ATXN2: variants seen among roughly 807,000 people sequenced by gnomAD.
ATXN2 encodes the protein ataxin 2.
ATXN2 carries 37 observed loss-of-function variants against 138.6 expected under a neutral mutation model. The observed-to-expected ratio is 0.27, with a 90% CI of 0.21 to 0.35. The LOEUF (loss-of-function observed/expected upper bound fraction) is 0.35, where lower values mean the gene tolerates loss of function less well. Among genes scored for constraint, ATXN2 ranks in the 10% least tolerant of loss-of-function variants. ATXN2 has a pLI of 1.00. For synonymous variants in ATXN2, 549 were observed against 543.7 expected, an observed-to-expected ratio of 1.01 and a Z score of -0.13; for missense variants, 1,216 against 1,480.3, an observed-to-expected ratio of 0.82 and a Z score of 2.93.
chr12:111,559,141 T>G (rs1232537249), intron 1 of ATXN2, among the ~76,000 whole-genome samples: 3 of 151,200 alleles, frequency 2.0e-5, no homozygotes, highest in Admixed American at 6.6e-5. Flanking sequence ...TTTTTGTTTT[T>G]TTTTTTTTCT....
At chr12:111,595,819 G>A (rs1486049333) in intron 1 of ATXN2, among the ~76,000 whole-genome samples, 1 of 147,384 alleles carries the variant, frequency 6.8e-6, no homozygotes, top group Non-Finnish European at 1.5e-5. Flanking sequence ...TGGCACTTTG[G>A]GAGGCCGAGG....
intron 5 of ATXN2, among the ~76,000 whole-genome samples, chr12:111,529,425 G>C (rs1880686039): frequency 6.6e-6 from 1 of 152,162 alleles, no homozygotes; most frequent in Non-Finnish European, 1.5e-5. Context: ...AAAACCATCA[G>C]ATGAGATGAT....
chr12:111,486,717 CT>C, intron 16 of ATXN2, 43 bp downstream of exon 16: 6 of 1,531,478 alleles, frequency 3.9e-6, no homozygotes, highest in Non-Finnish European at 4.5e-6. Flanking sequence ...AATAATTTTT[CT>C]TTTTTTGGGA....
At chr12:111,472,566 TTTTA>T (rs2135676961) in intron 18 of ATXN2, among the ~76,000 whole-genome samples, 1 of 152,200 alleles carries the variant, frequency 6.6e-6, no homozygotes, top group African/African-American at 2.4e-5. Context: ...TAAACTTTAT[TTTTA>T]TTTATTTATT....
At chr12:111,509,404 C>A in intron 14 of ATXN2, 145 bp downstream of exon 14, 1 of 575,152 alleles carries the variant, frequency 1.7e-6, no homozygotes, top group East Asian at 3.2e-5. Context: ...AAAGGATAGG[C>A]AAAGACCACT....
At chr12:111,597,992 G>T (rs547877335) in intron 1 of ATXN2, 1 of 1,204,986 alleles carries the variant, frequency 8.3e-7, no homozygotes, top group Admixed American at 3.1e-5. Flanking sequence ...CGCCGGAGAG[G>T]TCTGGCGGGG....
intron 1 of ATXN2, among the ~76,000 whole-genome samples, chr12:111,567,487 G>A (rs907814903): frequency 6.0e-5 from 9 of 150,500 alleles, no homozygotes; most frequent in African/African-American, 1.2e-4. Flanking sequence ...GAGACAGAGC[G>A]AGACCCCATT....
chr12:111,491,049 C>G (rs1877996959), intron 14 of ATXN2, among the ~76,000 whole-genome samples: 1 of 152,010 alleles, frequency 6.6e-6, no homozygotes, highest in Non-Finnish European at 1.5e-5. Context: ...GTCGGGAGTT[C>G]AAGACCAGCC....
intron 20 of ATXN2, among the ~76,000 whole-genome samples, chr12:111,467,491 G>A (rs1277778429): frequency 1.3e-5 from 2 of 151,666 alleles, no homozygotes; most frequent in African/African-American, 4.8e-5. Context: ...CACCACAAAG[G>A]GAATCTTGAT....
intron 10 of ATXN2, among the ~76,000 whole-genome samples, chr12:111,515,504 T>G (rs992474283): frequency 1.4e-4 from 22 of 152,158 alleles, no homozygotes; most frequent in African/African-American, 5.3e-4. Context: ...AGGAAAGAAA[T>G]AGCTAAATAT....
chr12:111,592,727 A>G, intron 1 of ATXN2, among the ~76,000 whole-genome samples: 1 of 138,954 alleles, frequency 7.2e-6, no homozygotes, highest in Non-Finnish European at 1.5e-5. Flanking sequence ...AGGTTGCAGT[A>G]AGCAGAGATC....
At chr12:111,499,613 G>A (rs773471397) in intron 14 of ATXN2, among the ~76,000 whole-genome samples, 16 of 151,706 alleles carry the variant, frequency 1.1e-4, no homozygotes, top group Non-Finnish European at 1.5e-4. Context: ...GGTGTAGGGC[G>A]CAGTGAGCCA....
At position 111,576,140 on chromosome 12, in the gene ATXN2, C is replaced by CCAA. The variant is rs1566075141; in HGVS notation, c.252-20222_252-20221insTTG. Among the ~76,000 whole-genome samples, 116 of 102,244 alleles carry CCAA rather than the reference C, an allele frequency of 1.1e-3. 2 individuals are homozygous for CCAA. Among genetic ancestry groups the CCAA allele is most frequent in the Admixed American group, 9.5e-3 (94 of 9,910 alleles). The allele number at this position is 102,244 out of a possible 152,430, so 67.1% of individuals were successfully genotyped here. On this transcript the variant is annotated intron_variant, in intron 1 of 24. Transcript: ENST00000673436. The stretch of plus-strand genomic sequence containing the variant: ...CATAACATAACATAACATAACATCA[C>CCAA]ACCAAACCAAACCAATAGTCTGGCC...
intron 14 of ATXN2, among the ~76,000 whole-genome samples, chr12:111,506,590 GGAA>G (rs1216262362): frequency 2.0e-5 from 3 of 151,740 alleles, no homozygotes; most frequent in African/African-American, 2.4e-5. Flanking sequence ...ATTCAAATGG[GGAA>G]GAATACCTAC....
At chr12:111,483,194 T>TACAC (rs59840296) in intron 18 of ATXN2, among the ~76,000 whole-genome samples, 5,063 of 95,160 alleles carry the variant, frequency 0.053, 128 homozygotes, top group South Asian at 0.14. Flanking sequence ...ATCAAACACA[T>TACAC]ACACACACAC....
intron 5 of ATXN2, among the ~76,000 whole-genome samples, chr12:111,526,980 C>A (rs1880539661): frequency 6.6e-6 from 1 of 152,210 alleles, no homozygotes; most frequent in African/African-American, 2.4e-5. Context: ...CATACCTGGA[C>A]TTCCTATTAA....
intron 5 of ATXN2, among the ~76,000 whole-genome samples, chr12:111,534,575 G>A (rs1050160082): frequency 1.8e-4 from 27 of 151,378 alleles, no homozygotes; most frequent in African/African-American, 6.3e-4. Flanking sequence ...AATGCATTGG[G>A]AGAGAGAAAA....
chr12:111,593,423 T>C (rs1884780454), intron 1 of ATXN2, among the ~76,000 whole-genome samples: 1 of 152,092 alleles, frequency 6.6e-6, no homozygotes, highest in Admixed American at 6.6e-5. Context: ...TCAAAATATA[T>C]GGCTATTAAA....
intron 14 of ATXN2, among the ~76,000 whole-genome samples, chr12:111,502,570 C>T (rs1412651393): frequency 6.6e-6 from 1 of 152,048 alleles, no homozygotes; most frequent in African/African-American, 2.4e-5. Flanking sequence ...GCTGGGATTA[C>T]AGGCACCTGC....
Sources: gnomAD v4.1 joint callset for allele counts (sites outside exome capture counted in the v4.1 genomes callset) on GRCh38, gnomAD v4.1.1 for gene constraint, MANE v1.5 for transcripts, NCBI Gene and HGNC (gene_info 2026-07-23, HGNC 2026-07-21) for gene names.